Variants in COX20 observed in about 807,000 individuals in gnomAD.
The protein encoded by COX20 is cytochrome c oxidase assembly protein COX20, mitochondrial.
Under a neutral mutation model 14.3 loss-of-function variants are expected in COX20, and 14 were observed. The ratio of observed to expected loss-of-function variants is 0.98; its 90% CI spans 0.65 to 1.53. The LOEUF (loss-of-function observed/expected upper bound fraction) is 1.53, where lower values mean the gene tolerates loss of function less well. COX20 is among the 40% of genes most tolerant of loss of function. COX20 has a pLI of 0.00. For synonymous variants in COX20, 56 were observed against 51.7 expected, an observed-to-expected ratio of 1.08 and a Z score of -0.36; for missense variants, 149 against 142.1, an observed-to-expected ratio of 1.05 and a Z score of -0.25.
In COX20 at chr1:244,843,041, G is replaced by T. The variant is rs766397584; in HGVS notation, c.222G>T (p.Trp74Cys). ...TTTATTCATATTCTTTTCTTCTAAG[G>T]TTTCATTGTAGGTATAATTATGCAA... is the stretch of plus-strand genomic sequence containing the variant. The part of the protein sequence containing the change: ...GGFILVTLGC[W>C]FHCRYNYAKQ... Residue 74 changes from tryptophan (W) to cysteine (C), a missense_variant and splice_region_variant, in exon 4 of 4, where the codon TGG becomes TGT. By Grantham distance (215) the Trp-to-Cys change is radical (BLOSUM62 -2). Transcript: ENST00000411948. 1.9e-6 allele frequency: 3 copies of T among 1,542,966 alleles called. No individual in the cohort carries two copies. The East Asian group carries it at 7.0e-5, about 36-fold the overall frequency.
rs71985930 is a variant in COX20 at position 244,836,963 on chromosome 1, T to TA, written c.42+1220dup. On this transcript the variant is annotated intron_variant, in intron 1 of 3. Transcript: ENST00000411948. The stretch of plus-strand genomic sequence containing the variant: ...GCCCATCTGGAATAAGCTTAGTGTT[T>TA]AAAAAAAAAAAAAGATCTTTGCATA... Among the ~76,000 whole-genome samples, 168 of 146,974 alleles carry TA rather than the reference T, an allele frequency of 1.1e-3. 2 individuals carry two copies. The highest frequency in any genetic ancestry group is 1.2e-3 in the Non-Finnish European group (81 of 66,236).
At chr1:244,842,494 C>T (rs1680247621) in intron 3 of COX20, 1 of 498,728 alleles carries the variant, frequency 2.0e-6, no homozygotes, top group Admixed American at 3.4e-5. Context: ...AAAGCCTCAA[C>T]CATTTCCCTT....
At chr1:244,842,711 G>A (rs1003372510) in intron 3 of COX20, 1 of 239,964 alleles carries the variant, frequency 4.2e-6, no homozygotes, top group African/African-American at 2.3e-5. Context: ...ATCATTTTAT[G>A]TAGACATAGC....
chr1:244,842,123 T>A (rs1383226686), intron 2 of COX20, 65 bp downstream of exon 2: 7 of 1,434,678 alleles, frequency 4.9e-6, no homozygotes, highest in African/African-American at 1.4e-5. Context: ...TAATGAACTA[T>A]TTTTTTTTCT....
At chr1:244,838,177 A>G (rs1305771296) in intron 1 of COX20, among the ~76,000 whole-genome samples, 1 of 152,202 alleles carries the variant, frequency 6.6e-6, no homozygotes, top group East Asian at 1.9e-4. Flanking sequence ...GATTTGATGA[A>G]GGAATCAAGG....
upstream of COX20, chr1:244,835,541 C>A (rs1042163608): frequency 7.3e-6 from 3 of 412,408 alleles, no homozygotes; most frequent in Admixed American, 4.5e-5. Flanking sequence ...ACAGCCCGGC[C>A]CCGTGCGGCC....
intron 2 of COX20, 50 bp from the exon 3 acceptor site, chr1:244,842,145 T>C (rs376464385): frequency 3.4e-6 from 5 of 1,451,058 alleles, no homozygotes; most frequent in Admixed American, 3.4e-5. Context: ...GGTGGAGTAA[T>C]GTATATAACG....
At chr1:244,836,543 T>C (rs1288406968) in intron 1 of COX20, 2 of 1,545,334 alleles carry the variant, frequency 1.3e-6, no homozygotes, top group Non-Finnish European at 1.8e-6. Context: ...CTTGTTTTCC[T>C]CTTTTCCTGG....
chr1:244,835,860 A>C (rs921661878), intron 1 of COX20, 104 bp downstream of exon 1: 76 of 800,138 alleles, frequency 9.5e-5, no homozygotes, highest in Non-Finnish European at 1.1e-4. Flanking sequence ...CTTCTCTGCC[A>C]CCCATGGGCT....
chr1:244,837,226 G>A (rs1274799851), intron 1 of COX20, among the ~76,000 whole-genome samples: 1 of 152,126 alleles, frequency 6.6e-6, no homozygotes, highest in Non-Finnish European at 1.5e-5. Flanking sequence ...ACCGAGCACA[G>A]TCAGAGGTGG....
chr1:244,836,025 A>G (rs966346958), intron 1 of COX20, among the ~76,000 whole-genome samples: 1 of 152,194 alleles, frequency 6.6e-6, no homozygotes, highest in Non-Finnish European at 1.5e-5. Context: ...ACAATACTGA[A>G]TCTTTGGCGA....
rs572179026 is a variant in COX20, at chr1:244,844,357, A to C, written c.*1181A>C. 7.9e-5 allele frequency: 12 copies of C among 152,294 alleles called. No homozygotes were observed. The highest frequency in any genetic ancestry group is 2.6e-4 in the African/African-American group (11 of 41,562). 9.4% of individuals were successfully genotyped at this position (152,294 alleles called of 1,614,324 possible). ...AATGACAACTGTCAAACACATGTTG[A>C]GGGAAAATTTTTACTGATTCACAAA... On this transcript the variant is annotated 3_prime_UTR_variant, in exon 4 of 4. Coordinates refer to ENST00000411948, the MANE Select transcript of COX20 (RefSeq NM_198076.6).
At chr1:244,839,669 C>T (rs1680117243) in intron 1 of COX20, 1 of 152,134 alleles carries the variant, frequency 6.6e-6, no homozygotes, top group African/African-American at 2.4e-5. Flanking sequence ...TATACAGGCT[C>T]AAGTCGTTGC....
intron 1 of COX20, chr1:244,839,897 G>C (rs747641010): frequency 6.6e-6 from 1 of 152,086 alleles, no homozygotes; most frequent in East Asian, 1.9e-4. Flanking sequence ...TTAAGTCCCC[G>C]AGCCTGTTTC....
intron 1 of COX20, chr1:244,839,959 G>A (rs574321488): frequency 6.6e-6 from 1 of 152,224 alleles, no homozygotes; most frequent in South Asian, 2.1e-4. Flanking sequence ...TAGAGAGCCT[G>A]GCACTAATAC....
At chr1:244,840,341 A>G (rs1455394593) in intron 1 of COX20, 1 of 152,200 alleles carries the variant, frequency 6.6e-6, no homozygotes, top group African/African-American at 2.4e-5. Flanking sequence ...ACCTAAGACT[A>G]GATCAAACTG....
intron 1 of COX20, among the ~76,000 whole-genome samples, chr1:244,837,167 A>G (rs1274256793): frequency 1.3e-5 from 2 of 152,206 alleles, no homozygotes; most frequent in Non-Finnish European, 2.9e-5. Flanking sequence ...ATCAGTAAGT[A>G]GCAAAACAAT....
At chr1:244,837,299 TAATTA>T (rs1680023929) in intron 1 of COX20, among the ~76,000 whole-genome samples, 1 of 152,196 alleles carries the variant, frequency 6.6e-6, no homozygotes, top group Non-Finnish European at 1.5e-5. Flanking sequence ...ATCAAAAAGC[TAATTA>T]AATTAATAGA....
chr1:244,842,103 T>C, intron 2 of COX20, 45 bp downstream of exon 2: 1 of 1,516,898 alleles, frequency 6.6e-7, no homozygotes, highest in Non-Finnish European at 9.1e-7. Flanking sequence ...AAAAAAAGCA[T>C]TTCTCTACAT....
Sources: allele counts gnomAD v4.1 joint callset (sites outside exome capture counted in the v4.1 genomes callset), GRCh38; gene constraint gnomAD v4.1.1; transcripts MANE v1.5; gene names NCBI Gene and HGNC (gene_info 2026-07-23, HGNC 2026-07-21).